TXNRD1: variants seen among roughly 807,000 people sequenced by gnomAD.
TXNRD1 encodes the protein thioredoxin reductase 1, cytoplasmic.
A neutral mutation model predicts 80.3 loss-of-function variants in TXNRD1; 57 were observed. That is an observed-to-expected ratio of 0.71 (90% CI 0.57 to 0.89). The LOEUF is 0.89. Ranked by LOEUF, TXNRD1 falls within the 40% of genes least tolerant of loss-of-function variation. The pLI, the probability that TXNRD1 is intolerant of heterozygous loss-of-function variation, is 0.00. For missense variants in TXNRD1, 730 were observed against 803.0 expected (o/e 0.91, Z 1.10); for synonymous variants, 291 against 285.2 (o/e 1.02, Z -0.20).
intron 1 of TXNRD1, among the ~76,000 whole-genome samples, chr12:104,250,054 C>T (rs1393056869): frequency 6.6e-6 from 1 of 151,582 alleles, no homozygotes; most frequent in Non-Finnish European, 1.5e-5. Flanking sequence ...AAATATCAGT[C>T]TAGGTGTAGT....
intron 1 of TXNRD1, among the ~76,000 whole-genome samples, chr12:104,220,871 C>T (rs1037156725): frequency 1.3e-5 from 2 of 152,098 alleles, no homozygotes; most frequent in African/African-American, 4.8e-5. Flanking sequence ...ATGAATATTC[C>T]TTATATCCTA....
chr12:104,334,571 C>T (rs958919054), intron 15 of TXNRD1, among the ~76,000 whole-genome samples: 1 of 152,114 alleles, frequency 6.6e-6, no homozygotes, highest in African/African-American at 2.4e-5. Context: ...GGGGTTTCAC[C>T]ATGTTGGCCA....
At chr12:104,245,949 C>T (rs1565860174) in intron 1 of TXNRD1, among the ~76,000 whole-genome samples, 1 of 141,070 alleles carries the variant, frequency 7.1e-6, no homozygotes, top group African/African-American at 2.7e-5. Context: ...CTCTACTAAA[C>T]AAAATACAAA....
chr12:104,334,346 T>G lies in TXNRD1; in HGVS notation c.1746+14T>G. 7.4e-7 allele frequency: 1 copy of G among 1,356,124 alleles called. No homozygotes were observed. Among genetic ancestry groups the G allele is most frequent in the South Asian group, 1.5e-5 (1 of 68,052 alleles). The allele number at this position is 1,356,124 out of a possible 1,614,324, so 84.0% of individuals were successfully genotyped here. On this transcript the variant is annotated intron_variant, in intron 15 of 16. Transcript: ENST00000525566. ...ACTAAAGACAATGTAAGTTTAATTC[T>G]CAATCCTTTCCAGTAATTTTATTTA...
At chr12:104,304,264 T>G (rs548995612) in intron 4 of TXNRD1, 1 of 1,614,074 alleles carries the variant, frequency 6.2e-7, no homozygotes, top group Non-Finnish European at 8.5e-7. Flanking sequence ...TAAACTCAGA[T>G]ATGAACTTCT....
intron 16 of TXNRD1, chr12:104,345,945 T>G: frequency 4.7e-6 from 6 of 1,288,202 alleles, no homozygotes; most frequent in Non-Finnish European, 6.1e-6. Context: ...CTGCTCATTT[T>G]TTAAAAATAC....
At position 104,326,404 on chromosome 12, in the gene TXNRD1, G is replaced by C. The variant is rs1489235810; in HGVS notation, c.1366G>C (p.Gly456Arg). The change falls in exon 12 of 17, where the codon GGG becomes CGG. Residue 456 changes from glycine to arginine, a missense_variant. Coordinates refer to ENST00000525566, the MANE Select transcript of TXNRD1 (RefSeq NM_001093771.3). ...AAGAAAAATTGGCTTAGAAACCGTA[G>C]GGGTGAAGATAAATGAAAAGTAAGA... Reference protein sequence around the residue: ...CTRKIGLETVGVKINEKTGKI... With the variant: ...CTRKIGLETVRVKINEKTGKI... 9 of 1,588,214 alleles carry C rather than the reference G, an allele frequency of 5.7e-6. No individual in the cohort carries two copies. The highest frequency in any genetic ancestry group is 7.7e-6 in the Non-Finnish European group (9 of 1,168,974).
At position 104,278,665 on chromosome 12, in the gene TXNRD1, C is replaced by T. The variant is rs372423271; in HGVS notation, c.305-10266C>T. On this transcript the variant is annotated intron_variant, in intron 3 of 16. Coordinates refer to ENST00000525566, the MANE Select transcript of TXNRD1 (RefSeq NM_001093771.3). Reference sequence around the variant, plus strand: ...TATAGGTGCACGCCACCACACCTGGCTACTTTTTTGTATTTTTAGTAGAGA... The same window carrying T: ...TATAGGTGCACGCCACCACACCTGGTTACTTTTTTGTATTTTTAGTAGAGA... 9.9e-5 allele frequency among the ~76,000 whole-genome samples: 15 copies of T among 151,408 alleles called. No individual in the cohort carries two copies. In the East Asian group the frequency reaches 1.4e-3, roughly 14 times the overall value.
intron 1 of TXNRD1, among the ~76,000 whole-genome samples, chr12:104,250,964 T>A (rs1203090793): frequency 2.6e-5 from 4 of 152,210 alleles, no homozygotes; most frequent in African/African-American, 9.6e-5. Context: ...GATGCCTGAT[T>A]GGGCCAGCAC....
chr12:104,250,454 T>A (rs2033095243), intron 1 of TXNRD1, among the ~76,000 whole-genome samples: 1 of 152,042 alleles, frequency 6.6e-6, no homozygotes, highest in African/African-American at 2.4e-5. Context: ...TTTAAAGCTG[T>A]TTTTTTTAAA....
intron 7 of TXNRD1, among the ~76,000 whole-genome samples, chr12:104,318,081 G>A (rs2035393314): frequency 6.6e-6 from 1 of 152,200 alleles, no homozygotes; most frequent in Non-Finnish European, 1.5e-5. Context: ...TGAGGGGTAC[G>A]GAGGTTGCAG....
At chr12:104,303,432 A>T (rs2034724023) in intron 4 of TXNRD1, among the ~76,000 whole-genome samples, 2 of 152,234 alleles carry the variant, frequency 1.3e-5, no homozygotes. Context: ...ACTGCAGTAT[A>T]TGATGGCAGC....
intron 1 of TXNRD1, among the ~76,000 whole-genome samples, chr12:104,218,802 C>A (rs1252674426): frequency 6.6e-6 from 1 of 151,806 alleles, no homozygotes; most frequent in African/African-American, 2.4e-5. Context: ...GAGATGAGGT[C>A]TTGCCATGTT....
At chr12:104,312,781 A>ATTCT (rs2035185628) in intron 5 of TXNRD1, among the ~76,000 whole-genome samples, 1 of 152,242 alleles carries the variant, frequency 6.6e-6, no homozygotes, top group South Asian at 2.1e-4. Flanking sequence ...CTTCTTCAGT[A>ATTCT]TTCTGCCTTA....
At chr12:104,267,661 C>CTTTCTTTCTTTCTTTG (rs1565870074) in intron 3 of TXNRD1, among the ~76,000 whole-genome samples, 10 of 32,050 alleles carry the variant, frequency 3.1e-4, no homozygotes, top group African/African-American at 1.2e-3. Flanking sequence ...TTCTTTCTTT[C>CTTTCTTTCTTTCTTTG]TTTCTTTCTT....
At chr12:104,223,436 T>C (rs1247976552) in intron 1 of TXNRD1, among the ~76,000 whole-genome samples, 1 of 152,020 alleles carries the variant, frequency 6.6e-6, no homozygotes, top group Non-Finnish European at 1.5e-5. Context: ...ATTTCACTCT[T>C]TTATGTATAG....
At chr12:104,265,651 GC>G (rs2033467598) in intron 3 of TXNRD1, 5 of 1,606,488 alleles carry the variant, frequency 3.1e-6, no homozygotes, top group Non-Finnish European at 4.2e-6. Flanking sequence ...AGACATGGGT[GC>G]CCGGCACCGC....
chr12:104,280,062 C>CAAAA (rs34627940), intron 3 of TXNRD1, among the ~76,000 whole-genome samples: 8 of 84,594 alleles, frequency 9.5e-5, no homozygotes, highest in African/African-American at 1.9e-4. Flanking sequence ...GACTCTGTCT[C>CAAAA]AAAAAAAAAA....
chr12:104,227,647 C>T (rs2032503403), intron 1 of TXNRD1, among the ~76,000 whole-genome samples: 1 of 152,146 alleles, frequency 6.6e-6, no homozygotes, highest in African/African-American at 2.4e-5. Flanking sequence ...CAAAATTTCA[C>T]CCATGCTATC....
Sources: allele counts gnomAD v4.1 joint callset (sites outside exome capture counted in the v4.1 genomes callset), GRCh38; gene constraint gnomAD v4.1.1; transcripts MANE v1.5; gene names NCBI Gene and HGNC (gene_info 2026-07-23, HGNC 2026-07-21).